The following PRKAR1B variants were observed in gnomAD, a reference collection of about 807,000 sequenced individuals.
PRKAR1B encodes the protein protein kinase cAMP-dependent type I regulatory subunit beta.
In PRKAR1B, 22 loss-of-function variants were observed where a neutral mutation model predicts 46.5. The observed-to-expected ratio is 0.47, with a 90% CI of 0.34 to 0.68. PRKAR1B has a LOEUF of 0.68. Among genes scored for constraint, PRKAR1B ranks in the 30% least tolerant of loss-of-function variants. The pLI is 0.01. For synonymous variants in PRKAR1B, 259 were observed against 217.7 expected (o/e 1.19, Z -1.67); for missense variants, 445 against 535.6 (o/e 0.83, Z 1.67).
At chr7:612,528 T>C (rs1172663205) in intron 4 of PRKAR1B, among the ~76,000 whole-genome samples, 2 of 150,922 alleles carry the variant, frequency 1.3e-5, no homozygotes, top group African/African-American at 2.4e-5. Context: ...GATGAACAAG[T>C]GGGTGGGTGG....
intron 2 of PRKAR1B, among the ~76,000 whole-genome samples, chr7:691,958 G>A (rs1407950401): frequency 4.6e-5 from 7 of 152,224 alleles, no homozygotes; most frequent in African/African-American, 9.6e-5. Flanking sequence ...ACTGGGAGAC[G>A]GAAATCAAGG....
At chr7:603,751 G>C (rs1277130364) in intron 6 of PRKAR1B, among the ~76,000 whole-genome samples, 2 of 145,666 alleles carry the variant, frequency 1.4e-5, no homozygotes, top group Non-Finnish European at 3.0e-5. Flanking sequence ...GAGGGTGGGG[G>C]AGGAGGTGAC....
At chr7:664,907 G>A (rs7799762) in intron 4 of PRKAR1B, among the ~76,000 whole-genome samples, 1 of 151,978 alleles carries the variant, frequency 6.6e-6, no homozygotes, top group Admixed American at 6.6e-5. Context: ...GAGCAAGACT[G>A]TGTCTCAAAA....
chr7:664,194 C>A (rs569793333), intron 4 of PRKAR1B, among the ~76,000 whole-genome samples: 1 of 152,176 alleles, frequency 6.6e-6, no homozygotes, highest in African/African-American at 2.4e-5. Flanking sequence ...CGCTGGCAGG[C>A]GACGGGGCTA....
intron 4 of PRKAR1B, 147 bp from the exon 5 acceptor site, chr7:607,599 G>A: frequency 2.6e-6 from 2 of 754,926 alleles, no homozygotes; most frequent in Non-Finnish European, 4.4e-6. Context: ...GAAGAAAATT[G>A]AAATCCTTCA....
chr7:711,700 G>A (rs897373130), intron 1 of PRKAR1B, among the ~76,000 whole-genome samples, 173 bp from the exon 2 acceptor site: 2 of 151,626 alleles, frequency 1.3e-5, no homozygotes, highest in Non-Finnish European at 2.9e-5. Flanking sequence ...TAAACGTGAC[G>A]GCCCCCAGAG....
chr7:658,966 A>T (rs929699806), intron 4 of PRKAR1B, among the ~76,000 whole-genome samples: 3 of 152,148 alleles, frequency 2.0e-5, no homozygotes, highest in Non-Finnish European at 2.9e-5. Flanking sequence ...TTTTTAAAAA[A>T]ATATTATCTC....
intron 2 of PRKAR1B, among the ~76,000 whole-genome samples, chr7:699,884 G>A (rs1350996192): frequency 2.0e-5 from 3 of 152,180 alleles, no homozygotes; most frequent in Non-Finnish European, 4.4e-5. Flanking sequence ...TCTGGAAGAT[G>A]GCTCCAGCTG....
At chr7:627,647 C>T (rs910891192) in intron 4 of PRKAR1B, among the ~76,000 whole-genome samples, 1 of 152,160 alleles carries the variant, frequency 6.6e-6, no homozygotes, top group Admixed American at 6.5e-5. Context: ...TTCCAATTGT[C>T]CCTTCCTAAG....
intron 9 of PRKAR1B, among the ~76,000 whole-genome samples, chr7:566,494 AT>A: frequency 6.6e-6 from 1 of 151,076 alleles, no homozygotes; most frequent in East Asian, 1.9e-4. Context: ...CATCACTATC[AT>A]CACCTTCATC....
intron 4 of PRKAR1B, among the ~76,000 whole-genome samples, chr7:640,490 C>T (rs557434896): frequency 5.3e-4 from 81 of 152,210 alleles, no homozygotes; most frequent in African/African-American, 1.9e-3. Context: ...AGGCTGGGCG[C>T]GGTGGCTCAC....
In PRKAR1B at chr7:589,384, C is replaced by A. The variant is rs560263988; in HGVS notation, c.709-4816G>T. On this transcript the variant is annotated intron_variant, in intron 7 of 10. Transcript: ENST00000537384. ...TCAGAAATGGGGTCAGACACCCCTGCAAACAGCTGCTGACCCAGCCCTCGT... is the reference window on the plus strand; with the variant it reads ...TCAGAAATGGGGTCAGACACCCCTGAAAACAGCTGCTGACCCAGCCCTCGT... Among the ~76,000 whole-genome samples the A allele has an allele frequency of 3.7e-3, 555 of 152,054 alleles. 2 individuals carry two copies. The highest frequency in any genetic ancestry group is 0.017 in the Middle Eastern group (5 of 292).
At chr7:591,383 G>C (rs1285181201) in intron 7 of PRKAR1B, among the ~76,000 whole-genome samples, 1 of 152,244 alleles carries the variant, frequency 6.6e-6, no homozygotes, top group African/African-American at 2.4e-5. Flanking sequence ...TCCAGGTACA[G>C]GGCTTCCTCA....
chr7:577,122 G>C (rs550739479), intron 9 of PRKAR1B, among the ~76,000 whole-genome samples: 1 of 151,728 alleles, frequency 6.6e-6, no homozygotes, highest in Non-Finnish European at 1.5e-5. Flanking sequence ...AACGCCATCA[G>C]CGGCCCCGTC....
At chr7:665,888 A>T (rs1785889643) in intron 4 of PRKAR1B, among the ~76,000 whole-genome samples, 1 of 152,186 alleles carries the variant, frequency 6.6e-6, no homozygotes, top group South Asian at 2.1e-4. Flanking sequence ...GGAGGAAGAG[A>T]AACAGCGACA....
chr7:619,758 C>T (rs965425059), intron 4 of PRKAR1B, among the ~76,000 whole-genome samples: 3 of 152,258 alleles, frequency 2.0e-5, no homozygotes, highest in Non-Finnish European at 4.4e-5. Flanking sequence ...GGAGAAGTCC[C>T]TCTTCTTTGT....
intron 7 of PRKAR1B, among the ~76,000 whole-genome samples, chr7:588,841 T>TG (rs1407726472): frequency 1.8e-3 from 14 of 7,890 alleles, no homozygotes; most frequent in East Asian, 0.014. Context: ...GTGGTGATGG[T>TG]AATGGTGGTG....
At chr7:676,290 C>T (rs1193948753) in intron 4 of PRKAR1B, among the ~76,000 whole-genome samples, 1 of 152,206 alleles carries the variant, frequency 6.6e-6, no homozygotes, top group Non-Finnish European at 1.5e-5. Context: ...CCCCTTCACG[C>T]TCAGCCCTCT....
At chr7:659,308 C>T (rs1212337662) in intron 4 of PRKAR1B, among the ~76,000 whole-genome samples, 2 of 152,196 alleles carry the variant, frequency 1.3e-5, no homozygotes, top group Admixed American at 1.3e-4. Context: ...GTATCTTCAA[C>T]CCCTCGGGCG....
Sources: gnomAD v4.1 joint callset for allele counts (sites outside exome capture counted in the v4.1 genomes callset) on GRCh38, gnomAD v4.1.1 for gene constraint, MANE v1.5 for transcripts, NCBI Gene and HGNC (gene_info 2026-07-23, HGNC 2026-07-21) for gene names.